TEX26: variants seen among roughly 807,000 people sequenced by gnomAD.
TEX26 encodes the protein testis expressed 26.
In TEX26, 34 loss-of-function variants were observed where a neutral mutation model predicts 35.3. That is an observed-to-expected ratio of 0.96 (90% CI 0.73 to 1.28). The LOEUF is 1.28. TEX26 is among the 50% of genes most tolerant of loss of function. The pLI, the probability that TEX26 is intolerant of heterozygous loss-of-function variation, is 0.00. For synonymous variants in TEX26, 136 were observed against 111.8 expected, an observed-to-expected ratio of 1.22 and a Z score of -1.36; for missense variants, 371 against 330.1, an observed-to-expected ratio of 1.12 and a Z score of -0.96.
Position 30,966,218 on chromosome 13 carries a change from C to T in TEX26, c.470-4C>T, listed in dbSNP as rs1954520140. On this transcript the variant is annotated splice_polypyrimidine_tract_variant and splice_region_variant and intron_variant, in intron 4 of 6. Transcript: ENST00000380473. ...TATTGCCTTCCATTTCCATTCCACC[C>T]CAGCTCAGAAGATTAAGAAAAGTTC... 6.2e-7 allele frequency: 1 copy of T among 1,613,898 alleles called. No individual in the cohort carries two copies. The highest frequency in any genetic ancestry group is 8.5e-7 in the Non-Finnish European group (1 of 1,179,958).
At chr13:30,963,302 T>TG (rs1202728116) in intron 4 of TEX26, among the ~76,000 whole-genome samples, 2 of 152,118 alleles carry the variant, frequency 1.3e-5, no homozygotes, top group Admixed American at 1.3e-4. Flanking sequence ...ACAGGAACCC[T>TG]GGGGGGAGGC....
At position 30,956,162 on chromosome 13, in the gene TEX26, C is replaced by T. The variant is rs1182567048; in HGVS notation, c.313-711C>T. On this transcript the variant is annotated intron_variant, in intron 3 of 6. Coordinates refer to ENST00000380473, the MANE Select transcript of TEX26 (RefSeq NM_152325.3). ...GTATATATCCTAATGCTATCCCTCCCCCCTCCCCCCACCCCACAACAGGCC... is the reference window on the plus strand; with the variant it reads ...GTATATATCCTAATGCTATCCCTCCTCCCTCCCCCCACCCCACAACAGGCC... Among the ~76,000 whole-genome samples the T allele has an allele frequency of 9.8e-5, 11 of 112,706 alleles. No individual in the cohort carries two copies. In the Admixed American group the frequency reaches 1.1e-3, roughly 11 times the overall value. The allele number at this position is 112,706 out of a possible 152,430, so 73.9% of individuals were successfully genotyped here.
chr13:30,961,486 A>G (rs1954339999), intron 4 of TEX26, among the ~76,000 whole-genome samples: 2 of 152,196 alleles, frequency 1.3e-5, no homozygotes, highest in Non-Finnish European at 2.9e-5. Context: ...TCTAGGCTTC[A>G]GCTTCCTCTA....
intron 6 of TEX26, among the ~76,000 whole-genome samples, chr13:30,972,943 G>C (rs1262917695): frequency 6.6e-6 from 1 of 152,194 alleles, no homozygotes; most frequent in Non-Finnish European, 1.5e-5. Context: ...AGCCATCAAA[G>C]AGTACAATCA....
chr13:30,932,703 CT>C lies in TEX26; in HGVS notation c.-12del. 1 of 1,612,352 alleles carries C rather than the reference CT, an allele frequency of 6.2e-7. No homozygotes were observed. The highest frequency in any genetic ancestry group is 8.5e-7 in the Non-Finnish European group (1 of 1,179,600). ...GCTGGAGCCAGGGCCCCGCGGCCGC[CT>C]CCTGGGGCAGAATGGAACAGCCTGG... On this transcript the variant is annotated 5_prime_UTR_variant, in exon 1 of 7. Transcript: ENST00000380473.
At chr13:30,933,002 C>T (rs375988455) in intron 1 of TEX26, 129 of 467,198 alleles carry the variant, frequency 2.8e-4, no homozygotes, top group African/African-American at 2.3e-3. Context: ...CTCCCTAAAA[C>T]GCGCAGGGTT....
intron 4 of TEX26, among the ~76,000 whole-genome samples, chr13:30,959,300 A>G (rs1372597061): frequency 1.3e-5 from 2 of 152,104 alleles, no homozygotes; most frequent in Non-Finnish European, 2.9e-5. Flanking sequence ...TTGGCAGTCA[A>G]TTTCAATCTG....
In TEX26 at chr13:30,932,765, A is replaced by C; in HGVS notation, c.50A>C (p.Asn17Thr). ...CCGGATCCCTCTCTCTGCCACCACA[A>C]CCTCCAGCCAAGTAAGACAGCAGAC... The part of the protein sequence containing the change: ...RAPDPSLCHH[N>T]LQPTDDPNWD... The change falls in exon 1 of 7, where the codon AAC (asparagine) becomes ACC (threonine). Residue 17 changes from asparagine to threonine, a missense_variant. Asn to Thr is a moderately conservative substitution (Grantham distance 65, BLOSUM62 0). Coordinates refer to ENST00000380473, the MANE Select transcript of TEX26 (RefSeq NM_152325.3). The C allele has an allele frequency of 6.2e-7, 1 of 1,613,302 alleles. No individual in the cohort carries two copies. Among genetic ancestry groups the C allele is most frequent in the Non-Finnish European group, 8.5e-7 (1 of 1,179,854 alleles).
intron 2 of TEX26, among the ~76,000 whole-genome samples, chr13:30,940,372 C>A (rs928310007): frequency 8.0e-6 from 1 of 125,306 alleles, no homozygotes; most frequent in African/African-American, 3.2e-5. Flanking sequence ...CTCGCTCTGT[C>A]GCCCAGGCTG....
intron 2 of TEX26, among the ~76,000 whole-genome samples, chr13:30,941,326 C>T (rs1008548890): frequency 1.3e-5 from 2 of 152,156 alleles, no homozygotes; most frequent in Admixed American, 1.3e-4. Flanking sequence ...GAAATTTTAT[C>T]ATCTGACTGT....
chr13:30,973,292 T>A (rs1169289984), intron 6 of TEX26: 2 of 152,224 alleles, frequency 1.3e-5, no homozygotes, highest in Non-Finnish European at 2.9e-5. Flanking sequence ...ATACCTTCTG[T>A]ATGATTTCAT....
intron 5 of TEX26, among the ~76,000 whole-genome samples, chr13:30,967,319 C>T (rs1954572603): frequency 6.6e-6 from 1 of 152,140 alleles, no homozygotes; most frequent in African/African-American, 2.4e-5. Flanking sequence ...TCCAGAGCCT[C>T]ATATGTGTGA....
At chr13:30,939,317 C>T (rs981357640) in intron 1 of TEX26, among the ~76,000 whole-genome samples, 1 of 152,052 alleles carries the variant, frequency 6.6e-6, no homozygotes, top group South Asian at 2.1e-4. Flanking sequence ...AAAGTCATTC[C>T]GTGTGTCTAT....
intron 6 of TEX26, among the ~76,000 whole-genome samples, chr13:30,974,119 T>TAAAAAAAAA (rs747590592): frequency 1.3e-5 from 1 of 74,412 alleles, no homozygotes; most frequent in Non-Finnish European, 2.5e-5. Context: ...AGCCTCCATC[T>TAAAAAAAAA]AAAAAAAAAA....
At position 30,947,637 on chromosome 13, in the gene TEX26, G is replaced by A. The variant is rs147642557; in HGVS notation, c.147-5023G>A. 4.6e-4 allele frequency among the ~76,000 whole-genome samples: 70 copies of A among 152,160 alleles called. No individual in the cohort carries two copies. The East Asian group carries it at 0.013, about 29-fold the overall frequency. On this transcript the variant is annotated intron_variant, in intron 2 of 6. Transcript: ENST00000380473. ...TGTCTTAACAAATGACTATTAAATT[G>A]CACCTGTTACTCTTTCACTTGGAAG...
At chr13:30,959,532 G>T (rs1329782893) in intron 4 of TEX26, among the ~76,000 whole-genome samples, 1 of 152,150 alleles carries the variant, frequency 6.6e-6, no homozygotes, top group Non-Finnish European at 1.5e-5. Context: ...GACATACTGT[G>T]ATTACATGAG....
At chr13:30,948,458 T>A (rs1037955764) in intron 2 of TEX26, among the ~76,000 whole-genome samples, 1 of 152,238 alleles carries the variant, frequency 6.6e-6, no homozygotes, top group Non-Finnish European at 1.5e-5. Context: ...GGTATCTCAT[T>A]GTGGTTTTGA....
At chr13:30,973,726 G>C (rs1247957698) in intron 6 of TEX26, among the ~76,000 whole-genome samples, 2 of 152,056 alleles carry the variant, frequency 1.3e-5, no homozygotes, top group African/African-American at 4.8e-5. Flanking sequence ...ACATTGAGCA[G>C]GATAACATGA....
rs1226711915 is a variant in TEX26 at position 30,932,719 on chromosome 13, G to A, written c.4G>A (p.Glu2Lys). The A allele has an allele frequency of 1.2e-6, 2 of 1,613,410 alleles. No individual in the cohort carries two copies. Among genetic ancestry groups the A allele is most frequent in the East Asian group, 4.5e-5 (2 of 44,858 alleles). The change falls in exon 1 of 7, where the codon GAA (glutamate) becomes AAA (lysine). Residue 2 changes from glutamate (E) to lysine (K), a missense_variant. Glu to Lys is a moderately conservative substitution (Grantham distance 56). Coordinates refer to ENST00000380473, the MANE Select transcript of TEX26 (RefSeq NM_152325.3). ...CGCGGCCGCCTCCTGGGGCAGAATG[G>A]AACAGCCTGGGCCCAGGGCTCCGGA... The part of the protein sequence containing the change: M[E>K]QPGPRAPDPS...
Sources: allele counts gnomAD v4.1 joint callset (sites outside exome capture counted in the v4.1 genomes callset), GRCh38; gene constraint gnomAD v4.1.1; transcripts MANE v1.5; gene names NCBI Gene and HGNC (gene_info 2026-07-23, HGNC 2026-07-21).